CCDC73: variants seen among roughly 807,000 people sequenced by gnomAD.
CCDC73 encodes the protein coiled-coil domain-containing protein 73.
In CCDC73, 95 loss-of-function variants were observed where a neutral mutation model predicts 116.5. That is an observed-to-expected ratio of 0.82 (90% CI 0.69 to 0.97). The LOEUF is 0.97. CCDC73 is among the 50% of genes least tolerant of loss of function. CCDC73 has a pLI of 0.00. For synonymous variants in CCDC73, 398 were observed against 401.3 expected (o/e 0.99, Z 0.10); for missense variants, 1,066 against 1,206.8 (o/e 0.88, Z 1.73).
the CCDC73 span, among the ~76,000 whole-genome samples, chr11:32,800,547 C>T: frequency 1.2e-4 from 19 of 152,130 alleles, 1 homozygote; most frequent in African/African-American, 4.6e-4. Context: ...TAATGAAAAG[C>T]AATAAAACAA....
chr11:32,786,423 TA>T (rs1436571021), intron 1 of CCDC73, among the ~76,000 whole-genome samples: 1 of 119,940 alleles, frequency 8.3e-6, no homozygotes, highest in Non-Finnish European at 1.7e-5. Flanking sequence ...ATTATTTATA[TA>T]ATTATAATAT....
At chr11:32,714,220 C>G (rs1406463894) in intron 3 of CCDC73, among the ~76,000 whole-genome samples, 1 of 152,068 alleles carries the variant, frequency 6.6e-6, no homozygotes, top group Non-Finnish European at 1.5e-5. Context: ...CACTCTTAAA[C>G]TTCCATGACC....
intron 6 of CCDC73, among the ~76,000 whole-genome samples, chr11:32,691,815 G>A (rs535492893): frequency 5.3e-5 from 8 of 152,166 alleles, no homozygotes; most frequent in South Asian, 2.1e-4. Flanking sequence ...TTGGGAGGCC[G>A]AGGTGGGCGG....
intron 4 of CCDC73, among the ~76,000 whole-genome samples, chr11:32,701,173 T>G (rs1452898350): frequency 6.6e-6 from 1 of 152,174 alleles, no homozygotes; most frequent in East Asian, 1.9e-4. Flanking sequence ...AGCAATTTAA[T>G]CACACTGATT....
intron 6 of CCDC73, among the ~76,000 whole-genome samples, chr11:32,687,711 G>A (rs1438275741): frequency 6.6e-6 from 1 of 152,024 alleles, no homozygotes; most frequent in Non-Finnish European, 1.5e-5. Context: ...GTCGACTGAG[G>A]GGGTGTGAGA....
intron 2 of CCDC73, among the ~76,000 whole-genome samples, chr11:32,730,308 C>CA (rs1323223809): frequency 1.3e-5 from 2 of 152,180 alleles, no homozygotes; most frequent in African/African-American, 4.8e-5. Context: ...TGCTATAGCT[C>CA]TGTCTTTTCC....
At chr11:32,697,447 A>T (rs1023216416) in intron 6 of CCDC73, among the ~76,000 whole-genome samples, 1 of 149,920 alleles carries the variant, frequency 6.7e-6, no homozygotes, top group African/African-American at 2.5e-5. Context: ...GAAAGTTCAC[A>T]TATTACAGCA....
intron 1 of CCDC73, among the ~76,000 whole-genome samples, chr11:32,779,010 C>G (rs1850560034): frequency 6.6e-6 from 1 of 152,084 alleles, no homozygotes; most frequent in Non-Finnish European, 1.5e-5. Flanking sequence ...AGTAAATAAT[C>G]TCTGGGCCAG....
chr11:32,713,979 G>T (rs912440276), intron 3 of CCDC73, among the ~76,000 whole-genome samples: 1 of 151,958 alleles, frequency 6.6e-6, no homozygotes, highest in Non-Finnish European at 1.5e-5. Context: ...ATCTTTTCAG[G>T]ATGAACTAAA....
At chr11:32,689,830 C>T (rs1308471086) in intron 6 of CCDC73, among the ~76,000 whole-genome samples, 2 of 152,040 alleles carry the variant, frequency 1.3e-5, no homozygotes, top group African/African-American at 4.8e-5. Context: ...CCCGTCTCTA[C>T]TAAAAATACA....
chr11:32,664,847 G>T (rs1471512698), intron 9 of CCDC73, among the ~76,000 whole-genome samples: 1 of 151,970 alleles, frequency 6.6e-6, no homozygotes, highest in African/African-American at 2.4e-5. Flanking sequence ...CAGAGATTCT[G>T]GTATGTTGTG....
chr11:32,712,564 A>C (rs116596019), intron 3 of CCDC73, among the ~76,000 whole-genome samples: 1,089 of 50,756 alleles, frequency 0.021, 17 homozygotes, highest in African/African-American at 0.076. Flanking sequence ...ATTAAAATAA[A>C]GATCTAAATA....
chr11:32,701,580 G>A (rs899501422), intron 4 of CCDC73, among the ~76,000 whole-genome samples: 23 of 152,114 alleles, frequency 1.5e-4, no homozygotes, highest in Admixed American at 3.9e-4. Context: ...TGTAGTCCCA[G>A]CTACTTGGGA....
the CCDC73 span, among the ~76,000 whole-genome samples, chr11:32,812,617 C>T: frequency 3.3e-5 from 5 of 149,830 alleles, no homozygotes; most frequent in African/African-American, 9.9e-5. Context: ...TGTGGTGAGC[C>T]GAGATCATGC....
chr11:32,794,433 C>G (rs1188538336), intron 1 of CCDC73, 180 bp downstream of exon 1: 1 of 152,342 alleles, frequency 6.6e-6, no homozygotes, highest in Non-Finnish European at 1.5e-5. Context: ...GTGGAAGATT[C>G]TAGACACAGC....
intron 7 of CCDC73, chr11:32,682,078 G>C (rs1368655307): frequency 4.0e-5 from 6 of 151,526 alleles, no homozygotes; most frequent in African/African-American, 1.2e-4. Flanking sequence ...GCTTAGAAGT[G>C]ACCAAAAACT....
At chr11:32,693,191 G>A (rs1476991124) in intron 6 of CCDC73, among the ~76,000 whole-genome samples, 1 of 152,196 alleles carries the variant, frequency 6.6e-6, no homozygotes, top group Non-Finnish European at 1.5e-5. Context: ...ACCAGAGTAT[G>A]ATCTTATGAA....
At chr11:32,767,082 T>C (rs372765540) in intron 1 of CCDC73, among the ~76,000 whole-genome samples, 1 of 152,286 alleles carries the variant, frequency 6.6e-6, no homozygotes, top group East Asian at 1.9e-4. Context: ...ACTACAAGGC[T>C]ACAGGAACCA....
chr11:32,745,744 G>GTTTTTTTTTTTTTTTTTTTTTTTT (rs1491140173), intron 2 of CCDC73, among the ~76,000 whole-genome samples: 1 of 42,684 alleles, frequency 2.3e-5, no homozygotes, highest in Non-Finnish European at 5.0e-5. Flanking sequence ...TGTTTGTTTT[G>GTTTTTTTTTTTTTTTTTTTTTTTT]GTTTTTTTTT....
Sources: gnomAD v4.1 joint callset for allele counts (sites outside exome capture counted in the v4.1 genomes callset) on GRCh38, gnomAD v4.1.1 for gene constraint, MANE v1.5 for transcripts, NCBI Gene and HGNC (gene_info 2026-07-23, HGNC 2026-07-21) for gene names.